ALDOB: variants seen among roughly 807,000 people sequenced by gnomAD.
ALDOB encodes the protein aldolase, fructose-bisphosphate B, also known as fructose-bisphosphate aldolase B.
Under a neutral mutation model 41.0 loss-of-function variants are expected in ALDOB, and 39 were observed. That is an observed-to-expected ratio of 0.95 (90% CI 0.74 to 1.24). The LOEUF (loss-of-function observed/expected upper bound fraction) is 1.24. Among genes scored for constraint, ALDOB ranks in the 50% most tolerant of loss-of-function variants. The probability of loss-of-function intolerance (pLI) is 0.00; values close to 1 mark genes in which losing one functional copy is unlikely to be tolerated. For synonymous variants in ALDOB, 175 were observed against 168.8 expected (o/e 1.04, Z -0.28); for missense variants, 530 against 457.3 (o/e 1.16, Z -1.45).
In ALDOB at chr9:101,421,867, G is replaced by T. The variant is rs776173931; in HGVS notation, c.1037C>A (p.Thr346Lys). The T allele has an allele frequency of 6.2e-7, 1 of 1,614,078 alleles. No individual in the cohort carries two copies. ...CQAAKGQYVH[T>K]GSSGAASTQS... ...GGTGGAAGCAGCCCCAGAAGAACCC[G>T]TGTGAACATACTGTCCTTTGGCCGC... The change falls in exon 9 of 9, where the codon ACG (threonine) becomes AAG (lysine). Residue 346 changes from threonine (T) to lysine (K), a missense_variant. By Grantham distance (78) the Thr-to-Lys change is moderately conservative. Transcript: ENST00000647789.
Position 101,427,679 on chromosome 9 carries a change from C to T in ALDOB, c.380-37G>A, listed in dbSNP as rs369813383. ...AAAAGAGAGAAAGGCTTCTTTGTAC[C>T]TTTGTACCTGATCCATGGGGCTTCT... On this transcript the variant is annotated intron_variant, in intron 4 of 8. Transcript: ENST00000647789. The T allele has an allele frequency of 3.7e-6, 6 of 1,612,602 alleles. No individual in the cohort carries two copies. The East Asian group carries it at 1.1e-4, about 30-fold the overall frequency.
intron 1 of ALDOB, among the ~76,000 whole-genome samples, chr9:101,431,312 C>T (rs762000262): frequency 6.6e-6 from 1 of 152,220 alleles, no homozygotes; most frequent in Non-Finnish European, 1.5e-5. Context: ...TTGACCTCTG[C>T]AGTTATCCTC....
chr9:101,426,496 C>G, intron 6 of ALDOB, 59 bp downstream of exon 6: 1 of 1,039,372 alleles, frequency 9.6e-7, no homozygotes, highest in South Asian at 1.3e-5. Flanking sequence ...TAAGTAACAG[C>G]TGTTACCTAA....
Position 101,429,846 on chromosome 9 carries a change from A to T in ALDOB, c.233T>A (p.Ile78Asn). 3 of 1,614,090 alleles carry T rather than the reference A, an allele frequency of 1.9e-6. No individual in the cohort carries two copies. The highest frequency in any genetic ancestry group is 2.5e-6 in the Non-Finnish European group (3 of 1,180,012). ...SSINQSIGGV[I>N]LFHETLYQKD... ...CTGGTAGAGGGTCTCGTGGAAAAGG[A>T]TCACACCCCCGATGCTCTGGTTGAT... Residue 78 changes from isoleucine to asparagine, a missense_variant, in exon 3 of 9, where the codon ATC becomes AAC. Transcript: ENST00000647789.
At position 101,428,479 on chromosome 9, in the gene ALDOB, G is replaced by T. The variant is rs775336756; in HGVS notation, c.369C>A (p.Thr123=). 2 of 1,613,786 alleles carry T rather than the reference G, an allele frequency of 1.2e-6. No individual in the cohort carries two copies. Among genetic ancestry groups the T allele is most frequent in the Non-Finnish European group, 1.7e-6 (2 of 1,179,726 alleles). ...GGGCAATATCCTTACCTTGAATGGT[G>T]GTTTCTTTGTTTGTTCCTGCAAGAG... ...GAPLAGTNKE[T]TIQGLDGLSE... Residue 123 remains threonine, a synonymous_variant, in exon 4 of 9, where the codon ACC becomes ACA. Transcript: ENST00000647789.
chr9:101,427,580 A>G lies in ALDOB; in HGVS notation c.442T>C (p.Trp148Arg), dbSNP rs118204430. 1.7e-5 allele frequency: 27 copies of G among 1,614,068 alleles called. No individual in the cohort carries two copies. The highest frequency in any genetic ancestry group is 2.2e-5 in the Non-Finnish European group (26 of 1,180,038). ...TCGGCAATCCTCAGCACAGCACGCC[A>G]CTTCCCAAAGTCAACACCATCTTTC... is the stretch of plus-strand genomic sequence containing the variant. ...YKKDGVDFGK[W>R]RAVLRIADQC... Residue 148 changes from tryptophan to arginine, a missense_variant, in exon 5 of 9, where the codon TGG (tryptophan) becomes CGG (arginine). Transcript: ENST00000647789.
chr9:101,423,628 G>A (rs993689540), intron 8 of ALDOB, among the ~76,000 whole-genome samples: 1 of 152,148 alleles, frequency 6.6e-6, no homozygotes. Flanking sequence ...GATTCCAACT[G>A]TATTCTCTTT....
intron 7 of ALDOB, 144 bp from the exon 8 acceptor site, chr9:101,425,186 G>T: frequency 9.6e-7 from 1 of 1,040,752 alleles, no homozygotes; most frequent in Non-Finnish European, 1.4e-6. Context: ...AAATCAGTTT[G>T]CTTTTGCTGA....
rs1423876141 is a variant in ALDOB, at chr9:101,420,584, A to C, written c.*1225T>G. On this transcript the variant is annotated 3_prime_UTR_variant, in exon 9 of 9. Coordinates refer to ENST00000647789, the MANE Select transcript of ALDOB (RefSeq NM_000035.4). The stretch of plus-strand genomic sequence containing the variant: ...AGAAATTTAGCATACTACCATCAAT[A>C]TTTTAATTTTAGATATATATTTTTA... 2 of 152,148 alleles carry C rather than the reference A, an allele frequency of 1.3e-5. No individual in the cohort carries two copies. Among genetic ancestry groups the C allele is most frequent in the African/African-American group, 4.8e-5 (2 of 41,450 alleles). 9.4% of individuals were successfully genotyped at this position (152,148 alleles called of 1,614,324 possible). A position where few individuals can be genotyped will look rare whatever the true frequency, so the allele number is the denominator to read the frequency against.
intron 1 of ALDOB, among the ~76,000 whole-genome samples, chr9:101,432,031 A>G (rs1377884684): frequency 6.6e-6 from 1 of 152,210 alleles, no homozygotes; most frequent in Non-Finnish European, 1.5e-5. Flanking sequence ...GACTTGTTCA[A>G]GGTCCCAGCT....
intron 1 of ALDOB, among the ~76,000 whole-genome samples, chr9:101,432,998 T>TAG (rs1187094397): frequency 1.3e-5 from 2 of 152,246 alleles, no homozygotes; most frequent in Non-Finnish European, 2.9e-5. Flanking sequence ...CTGCCTAATC[T>TAG]AGCTGGAACC....
intron 2 of ALDOB, among the ~76,000 whole-genome samples, chr9:101,430,319 T>G (rs1049585061): frequency 6.6e-6 from 1 of 152,156 alleles, no homozygotes; most frequent in Admixed American, 6.5e-5. Flanking sequence ...TTCTCAGGGT[T>G]CTGTGATTTT....
At chr9:101,433,590 A>G (rs564123955) in intron 1 of ALDOB, among the ~76,000 whole-genome samples, 1 of 152,328 alleles carries the variant, frequency 6.6e-6, no homozygotes, top group Admixed American at 6.5e-5. Flanking sequence ...TTATATTATT[A>G]AATGAAAAAC....
At chr9:101,434,988 T>C (rs962023531) in intron 1 of ALDOB, among the ~76,000 whole-genome samples, 3 of 152,256 alleles carry the variant, frequency 2.0e-5, no homozygotes, top group Non-Finnish European at 4.4e-5. Context: ...TGCCTATTTT[T>C]CAGATAGTAG....
At chr9:101,422,044 G>C in intron 8 of ALDOB, 140 bp from the exon 9 acceptor site, 1 of 734,856 alleles carries the variant, frequency 1.4e-6, no homozygotes, top group South Asian at 1.5e-5. Context: ...ATATTGCTGG[G>C]GATACCATCC....
At chr9:101,423,902 A>C (rs1429220688) in intron 8 of ALDOB, among the ~76,000 whole-genome samples, 1 of 152,188 alleles carries the variant, frequency 6.6e-6, no homozygotes, top group Non-Finnish European at 1.5e-5. Context: ...TATTTTAAAA[A>C]TTTTGGTTAT....
chr9:101,423,782 T>G (rs1268794332), intron 8 of ALDOB, among the ~76,000 whole-genome samples: 2 of 152,174 alleles, frequency 1.3e-5, no homozygotes, highest in Non-Finnish European at 2.9e-5. Context: ...TGGCTCCTCT[T>G]TCTTTACATT....
chr9:101,434,785 A>G (rs898913415), intron 1 of ALDOB, among the ~76,000 whole-genome samples: 3 of 152,098 alleles, frequency 2.0e-5, no homozygotes, highest in Admixed American at 6.5e-5. Context: ...TAGATATTCA[A>G]CATTTCCCCA....
intron 4 of ALDOB, 92 bp downstream of exon 4, chr9:101,428,377 A>T: frequency 8.7e-7 from 1 of 1,151,380 alleles, no homozygotes; most frequent in Non-Finnish European, 1.3e-6. Flanking sequence ...CCAGTGTAAT[A>T]GTTGTGTTTT....
Sources: allele counts gnomAD v4.1 joint callset (sites outside exome capture counted in the v4.1 genomes callset), GRCh38; gene constraint gnomAD v4.1.1; transcripts MANE v1.5; gene names NCBI Gene and HGNC (gene_info 2026-07-23, HGNC 2026-07-21).